ZER1: variants seen among roughly 807,000 people sequenced by gnomAD.
ZER1 encodes the protein protein zer-1 homolog.
A neutral mutation model predicts 78.8 loss-of-function variants in ZER1; 11 were observed. That is an observed-to-expected ratio of 0.14 (90% CI 0.09 to 0.23). The LOEUF (loss-of-function observed/expected upper bound fraction) is 0.23, where lower values mean the gene tolerates loss of function less well. Ranked by LOEUF, ZER1 falls within the 10% of genes least tolerant of loss-of-function variation. The pLI is 1.00. For missense variants in ZER1, 588 were observed against 996.9 expected (o/e 0.59, Z 5.52); for synonymous variants, 400 against 407.0 (o/e 0.98, Z 0.21).
rs1863253023 is a variant in ZER1 at position 128,740,484 on chromosome 9, G to T, written c.1853+288C>A. Among the ~76,000 whole-genome samples the T allele has an allele frequency of 6.6e-6, 1 of 151,980 alleles. No homozygotes were observed. Among genetic ancestry groups the T allele is most frequent in the African/African-American group, 2.4e-5 (1 of 41,370 alleles). On this transcript the variant is annotated intron_variant, in intron 12 of 15. Transcript: ENST00000291900. The surrounding 1 kb of genome is among the most constrained non-coding windows in gnomAD (Gnocchi z 4.4). ...AGTCTCAGCTACTCGGGAGGCTGAG[G>T]CAGGAGAATGGCGTGAACCCGGGAG...
chr9:128,734,163 A>AT (rs1491400132), intron 14 of ZER1, among the ~76,000 whole-genome samples: 6 of 67,230 alleles, frequency 8.9e-5, no homozygotes, highest in Non-Finnish European at 1.6e-4. Flanking sequence ...ATATATATAT[A>AT]AAATCTTAAA....
At position 128,730,925 on chromosome 9, in the gene ZER1, C is replaced by T. The variant is rs80055395; in HGVS notation, c.*412G>A. The T allele has an allele frequency of 0.022, 3,288 of 152,878 alleles. 100 individuals are homozygous for T. The highest frequency in any genetic ancestry group is 0.075 in the African/African-American group (3,097 of 41,540). The allele number at this position is 152,878 out of a possible 1,614,324, so 9.5% of individuals were successfully genotyped here. A position where few individuals can be genotyped will look rare whatever the true frequency, so the allele number is the denominator to read the frequency against. ...TCGATACGCTGTCCAAGGCCTGCTCCTCTCATGAAAGGAAGCCAGGCCGGG... is the reference window on the plus strand; with the variant it reads ...TCGATACGCTGTCCAAGGCCTGCTCTTCTCATGAAAGGAAGCCAGGCCGGG... On this transcript the variant is annotated 3_prime_UTR_variant, in exon 16 of 16. Transcript: ENST00000291900.
chr9:128,743,819 C>G (rs960243719), intron 8 of ZER1, among the ~76,000 whole-genome samples: 1 of 151,784 alleles, frequency 6.6e-6, no homozygotes. Context: ...CAACCTCCCC[C>G]TCCCGGGCTC....
intron 9 of ZER1, 86 bp downstream of exon 9, chr9:128,742,444 C>T: frequency 2.0e-6 from 3 of 1,509,302 alleles, no homozygotes; most frequent in Non-Finnish European, 2.7e-6. Flanking sequence ...AGCCCCAGGC[C>T]CTGCTCTGAG....
chr9:128,758,522 G>A (rs1043430488), intron 1 of ZER1, among the ~76,000 whole-genome samples: 3 of 151,928 alleles, frequency 2.0e-5, no homozygotes, highest in African/African-American at 4.8e-5. Flanking sequence ...AGGCTCAAGC[G>A]ATCCTCCCAC....
chr9:128,742,482 G>A (rs775446180), intron 9 of ZER1, 48 bp downstream of exon 9: 1 of 1,603,586 alleles, frequency 6.2e-7, no homozygotes, highest in Non-Finnish European at 8.5e-7. Context: ...AGGGGTGGGG[G>A]AGAGCAGTGA....
chr9:128,761,523 G>A (rs1395233493), intron 1 of ZER1, among the ~76,000 whole-genome samples: 1 of 47,866 alleles, frequency 2.1e-5, no homozygotes, highest in East Asian at 6.2e-4. Flanking sequence ...CTGAGCTCAG[G>A]TGATCCACCC....
At chr9:128,747,854 A>C (rs1350915408) in intron 8 of ZER1, among the ~76,000 whole-genome samples, 1 of 152,128 alleles carries the variant, frequency 6.6e-6, no homozygotes, top group Non-Finnish European at 1.5e-5. Flanking sequence ...CCTGATCTTA[A>C]GTGATCTGCC....
In ZER1 at chr9:128,753,716, A is replaced by G; in HGVS notation, c.309+93T>C. 2 of 1,559,620 alleles carry G rather than the reference A, an allele frequency of 1.3e-6. No individual in the cohort carries two copies. Among genetic ancestry groups the G allele is most frequent in the Non-Finnish European group, 1.7e-6 (2 of 1,153,028 alleles). ...GGGGATGTGCACAGTCACGGTGCACACTGGCTGGGCTGGGGATGGCTGGGC... is the reference window on the plus strand; with the variant it reads ...GGGGATGTGCACAGTCACGGTGCACGCTGGCTGGGCTGGGGATGGCTGGGC... On this transcript the variant is annotated intron_variant, in intron 3 of 15. Transcript: ENST00000291900. The surrounding 1 kb of genome is among the most constrained non-coding windows in gnomAD (Gnocchi z 7.5).
Position 128,752,664 on chromosome 9 carries a change from G to A in ZER1, c.923+9C>T, listed in dbSNP as rs2132446940. The A allele has an allele frequency of 6.2e-7, 1 of 1,607,154 alleles. No individual in the cohort carries two copies. Among genetic ancestry groups the A allele is most frequent in the South Asian group, 1.1e-5 (1 of 90,132 alleles). ...ACCCTACCAGTAGCCATGGAGGCTGGGGCCCCACCTGGTCTGCCCCGCTTC... is the reference window on the plus strand; with the variant it reads ...ACCCTACCAGTAGCCATGGAGGCTGAGGCCCCACCTGGTCTGCCCCGCTTC... On this transcript the variant is annotated intron_variant, in intron 5 of 15. Coordinates refer to ENST00000291900, the MANE Select transcript of ZER1 (RefSeq NM_006336.4).
At chr9:128,735,786 T>C (rs975770159) in intron 13 of ZER1, among the ~76,000 whole-genome samples, 2 of 135,492 alleles carry the variant, frequency 1.5e-5, no homozygotes, top group East Asian at 2.1e-4. Flanking sequence ...TTTTTTTTTT[T>C]TTTTTTTGTG....
At chr9:128,741,753 T>C in intron 10 of ZER1, 47 bp downstream of exon 10, 1 of 1,614,022 alleles carries the variant, frequency 6.2e-7, no homozygotes, top group Non-Finnish European at 8.5e-7. Context: ...CCAGGCCCCT[T>C]GCGAGGTGGG....
chr9:128,735,464 G>T, intron 13 of ZER1, 33 bp from the exon 14 acceptor site: 2 of 1,593,578 alleles, frequency 1.3e-6, no homozygotes, highest in Non-Finnish European at 8.6e-7. Context: ...CACTGTGGAT[G>T]CTGAGGGTGG....
At chr9:128,759,052 A>C (rs947251411) in intron 1 of ZER1, among the ~76,000 whole-genome samples, 1 of 150,676 alleles carries the variant, frequency 6.6e-6, no homozygotes, top group African/African-American at 2.4e-5. Flanking sequence ...GCTGGAGTGC[A>C]GTGGCGCGAT....
intron 14 of ZER1, among the ~76,000 whole-genome samples, chr9:128,734,387 G>A (rs1002824238): frequency 1.8e-4 from 27 of 150,556 alleles, no homozygotes; most frequent in African/African-American, 6.6e-4. Context: ...AGTAGAGACG[G>A]GGTTTCACTA....
At chr9:128,765,979 T>C in intron 1 of ZER1, among the ~76,000 whole-genome samples, 1 of 152,256 alleles carries the variant, frequency 6.6e-6, no homozygotes, top group Non-Finnish European at 1.5e-5. Flanking sequence ...TGCATTCGGC[T>C]AGTAATCAGA....
Position 128,751,608 on chromosome 9 carries a change from T to C in ZER1, c.924-81A>G. ...TCCCCACTGGGGGTGGTGAGGCATT[T>C]CCTTGCTTTCTCTTCTAGGCCCTCC... On this transcript the variant is annotated intron_variant, in intron 5 of 15. Transcript: ENST00000291900. This position sits in a 1 kb window ranked among gnomAD's most constrained non-coding sequence, Gnocchi z 5.4. 1 of 1,200,376 alleles carries C rather than the reference T, an allele frequency of 8.3e-7. No individual in the cohort carries two copies. Among genetic ancestry groups the C allele is most frequent in the Non-Finnish European group, 1.2e-6 (1 of 827,380 alleles). 74.4% of individuals were successfully genotyped at this position (1,200,376 alleles called of 1,614,324 possible). A position where few individuals can be genotyped will look rare whatever the true frequency, so the allele number is the denominator to read the frequency against.
chr9:128,745,657 TTTTA>T (rs1485625596), intron 8 of ZER1, among the ~76,000 whole-genome samples: 1 of 151,418 alleles, frequency 6.6e-6, no homozygotes, highest in Admixed American at 6.6e-5. Flanking sequence ...TTGCCTGGCC[TTTTA>T]TTTATTTTTA....
rs758966082 is a variant in ZER1 at position 128,753,384 on chromosome 9, G to A, written c.526C>T (p.Arg176Cys). 14 of 1,613,930 alleles carry A rather than the reference G, an allele frequency of 8.7e-6. No individual in the cohort carries two copies. Among genetic ancestry groups the A allele is most frequent in the South Asian group, 3.3e-5 (3 of 91,038 alleles). Residue 176 changes from arginine (R) to cysteine (C), a missense_variant, in exon 4 of 16, where the codon CGC becomes TGC. Transcript: ENST00000291900. This position sits in a 1 kb window ranked among gnomAD's most constrained non-coding sequence, Gnocchi z 7.5. The stretch of plus-strand genomic sequence containing the variant: ...CGGCCCAAGTTGAGGAAGCGGAGGC[G>A]GCTGAAGCCCTCGAAGGTGAAATCC... Reference protein sequence around the residue: ...VKDFTFEGFSRLRFLNLGRMI... With the variant: ...VKDFTFEGFSCLRFLNLGRMI...
Sources: allele counts gnomAD v4.1 joint callset (sites outside exome capture counted in the v4.1 genomes callset), GRCh38; gene constraint gnomAD v4.1.1; non-coding constraint Gnocchi (gnomAD v3.1); transcripts MANE v1.5; gene names NCBI Gene and HGNC (gene_info 2026-07-23, HGNC 2026-07-21).